DNAH8: variants seen among roughly 807,000 people sequenced by gnomAD.
DNAH8 encodes the protein axonemal beta dynein heavy chain 8.
A neutral mutation model predicts 562.1 loss-of-function variants in DNAH8; 382 were observed. That is an observed-to-expected ratio of 0.68 (90% CI 0.63 to 0.74). The LOEUF is 0.74. Ranked by LOEUF, DNAH8 falls within the 30% of genes least tolerant of loss-of-function variation. DNAH8 has a pLI of 0.00. For missense variants in DNAH8, 5,203 were observed against 5,620.4 expected (o/e 0.93, Z 2.37); for synonymous variants, 1,881 against 1,919.4 (o/e 0.98, Z 0.52).
intron 1 of DNAH8, among the ~76,000 whole-genome samples, chr6:38,719,094 T>C (rs1489822117): frequency 6.6e-6 from 1 of 152,216 alleles, no homozygotes; most frequent in African/African-American, 2.4e-5. Flanking sequence ...TCTTGATTGA[T>C]TCATATAGGT....
intron 42 of DNAH8, among the ~76,000 whole-genome samples, chr6:38,859,127 A>G (rs935226668): frequency 7.9e-5 from 12 of 152,340 alleles, no homozygotes; most frequent in African/African-American, 2.9e-4. Flanking sequence ...AATTATTAGA[A>G]CAACCTGATA....
intron 82 of DNAH8, among the ~76,000 whole-genome samples, chr6:38,956,280 T>G (rs576976063): frequency 1.1e-4 from 17 of 152,300 alleles, no homozygotes; most frequent in Non-Finnish European, 2.2e-4. Flanking sequence ...CCTGCTGCAG[T>G]CAGGGAACTA....
intron 82 of DNAH8, among the ~76,000 whole-genome samples, chr6:38,966,789 T>C (rs765964135): frequency 1.4e-4 from 21 of 152,308 alleles, no homozygotes; most frequent in Middle Eastern, 3.4e-3. Flanking sequence ...CAAACTACCA[T>C]AGACTGGGTA....
chr6:38,952,844 C>T (rs145486255), intron 82 of DNAH8, among the ~76,000 whole-genome samples: 8 of 152,330 alleles, frequency 5.3e-5, no homozygotes, highest in Admixed American at 2.0e-4. Flanking sequence ...AAGTCTCATT[C>T]GCTATCTTCA....
At chr6:38,760,796 CT>C (rs1170578849) in intron 10 of DNAH8, among the ~76,000 whole-genome samples, 24 of 152,168 alleles carry the variant, frequency 1.6e-4, no homozygotes, top group African/African-American at 5.3e-4. Flanking sequence ...CCAGTTCCCA[CT>C]TTGCTTTCTA....
intron 21 of DNAH8, among the ~76,000 whole-genome samples, chr6:38,798,073 CA>C (rs35561819): frequency 0.019 from 2,383 of 125,918 alleles, 46 homozygotes; most frequent in African/African-American, 0.059. Context: ...GACTCCGTCT[CA>C]AAAAAAAAAA....
intron 52 of DNAH8, 55 bp downstream of exon 52, chr6:38,873,431 G>GT (rs1343511243): frequency 4.0e-6 from 6 of 1,489,450 alleles, no homozygotes; most frequent in Non-Finnish European, 3.6e-6. Context: ...TTTTCACTCA[G>GT]TTGCAGTTTA....
chr6:38,926,363 G>T (rs923000501), intron 74 of DNAH8, among the ~76,000 whole-genome samples, 153 bp downstream of exon 74: 2 of 152,112 alleles, frequency 1.3e-5, no homozygotes, highest in African/African-American at 4.8e-5. Flanking sequence ...TGGGGCAACA[G>T]CTCTGATTCT....
At chr6:38,752,962 G>T (rs1386196961) in intron 9 of DNAH8, among the ~76,000 whole-genome samples, 1 of 151,936 alleles carries the variant, frequency 6.6e-6, no homozygotes, top group Non-Finnish European at 1.5e-5. Context: ...AGATTCGGGG[G>T]TACATGTGCA....
Position 38,921,428 on chromosome 6 carries a change from A to C in DNAH8, c.10584A>C (p.Ala3528=), listed in dbSNP as rs745608114. 1.9e-6 allele frequency: 3 copies of C among 1,613,730 alleles called. No individual in the cohort carries two copies. In the African/African-American group the frequency reaches 4.0e-5, roughly 22 times the overall value. Residue 3528 remains alanine, a synonymous_variant, in exon 71 of 93, where the codon GCA becomes GCC. Coordinates refer to ENST00000327475, the MANE Select transcript of DNAH8 (RefSeq NM_001206927.2). ...LAVANAELGK[A]QALLDEKQAE... ...TTGCTAATGCTGAGTTAGGGAAGGC[A>C]CAAGCCCTGCTGGATGAGAAGCAAG...
At chr6:38,954,311 A>T (rs946063338) in intron 82 of DNAH8, among the ~76,000 whole-genome samples, 2 of 152,254 alleles carry the variant, frequency 1.3e-5, no homozygotes, top group Non-Finnish European at 2.9e-5. Context: ...ATAAAACCCC[A>T]CAACCACACA....
rs1439226535 is a variant in DNAH8 at position 38,834,584 on chromosome 6, A to T, written c.4308A>T (p.Gly1436=). ...GATTATATTCTTCCTTACAGGAAGG[A>T]CCTATGGTTCCAAATATACCACCCC... ...INFAEAYELE[G]PMVPNIPPQE... Residue 1436 remains glycine (G), a synonymous_variant, in exon 32 of 93, where the codon GGA becomes GGT. Transcript: ENST00000327475. 6.3e-7 allele frequency: 1 copy of T among 1,597,232 alleles called. No individual in the cohort carries two copies. The highest frequency in any genetic ancestry group is 8.5e-7 in the Non-Finnish European group (1 of 1,170,604).
intron 41 of DNAH8, among the ~76,000 whole-genome samples, chr6:38,854,846 A>G (rs920904661): frequency 6.0e-5 from 9 of 150,306 alleles, no homozygotes; most frequent in Admixed American, 2.7e-4. Flanking sequence ...ATATATGAAC[A>G]TATATACACA....
intron 24 of DNAH8, among the ~76,000 whole-genome samples, chr6:38,813,102 A>G (rs1302005095): frequency 6.6e-6 from 1 of 152,198 alleles, no homozygotes; most frequent in African/African-American, 2.4e-5. Context: ...AATTTGCTAT[A>G]TAAGGTACCA....
Position 39,012,199 on chromosome 6 carries a change from G to T in DNAH8, c.13372-16G>T. The stretch of plus-strand genomic sequence containing the variant: ...ATGAGAAAATCTCCTTTATTGCATT[G>T]TTTACTTTGTTTTAGGTGAAATCTC... On this transcript the variant is annotated splice_polypyrimidine_tract_variant and intron_variant, in intron 89 of 92. Coordinates refer to ENST00000327475, the MANE Select transcript of DNAH8 (RefSeq NM_001206927.2). The T allele has an allele frequency of 1.3e-6, 2 of 1,579,192 alleles. No homozygotes were observed. Among genetic ancestry groups the T allele is most frequent in the Non-Finnish European group, 1.7e-6 (2 of 1,156,964 alleles).
At chr6:38,890,527 TC>T in intron 57 of DNAH8, 124 bp from the exon 58 acceptor site, 1 of 697,064 alleles carries the variant, frequency 1.4e-6, no homozygotes, top group Non-Finnish European at 2.5e-6. Context: ...TCTTAGCTGA[TC>T]CCTTGAGAGA....
intron 85 of DNAH8, among the ~76,000 whole-genome samples, chr6:38,981,956 C>CT: frequency 6.6e-6 from 1 of 152,104 alleles, no homozygotes; most frequent in East Asian, 1.9e-4. Context: ...TTTACTGTAC[C>CT]TTTTCTGTGT....
chr6:38,975,107 C>T (rs1662207794), intron 85 of DNAH8, among the ~76,000 whole-genome samples: 1 of 152,188 alleles, frequency 6.6e-6, no homozygotes, highest in Admixed American at 6.5e-5. Flanking sequence ...GGAGGAGGAA[C>T]AGCAGCTCCC....
chr6:38,823,004 C>T lies in DNAH8; in HGVS notation c.3690C>T (p.Leu1230=). ...AGGACTTTCAGAAGTACAAGACTCT[C>T]TGGACAGAGGACCGCGATGTGAAAG... ...ALQDFQKYKT[L]WTEDRDVKVK... Residue 1230 remains leucine (L), a synonymous_variant, in exon 27 of 93, where the codon CTC becomes CTT. Coordinates refer to ENST00000327475, the MANE Select transcript of DNAH8 (RefSeq NM_001206927.2). 3 of 1,597,064 alleles carry T rather than the reference C, an allele frequency of 1.9e-6. No individual in the cohort carries two copies. Among genetic ancestry groups the T allele is most frequent in the Non-Finnish European group, 1.7e-6 (2 of 1,175,552 alleles).
Sources: gnomAD v4.1 joint callset for allele counts (sites outside exome capture counted in the v4.1 genomes callset) on GRCh38, gnomAD v4.1.1 for gene constraint, MANE v1.5 for transcripts, NCBI Gene and HGNC (gene_info 2026-07-23, HGNC 2026-07-21) for gene names.